NBEA: variants seen among roughly 807,000 people sequenced by gnomAD.
The protein encoded by NBEA is neurobeachin, also known as lysosomal-trafficking regulator 2.
A neutral mutation model predicts 343.4 loss-of-function variants in NBEA; 44 were observed. That is an observed-to-expected ratio of 0.13 (90% confidence interval 0.10 to 0.16). The LOEUF (loss-of-function observed/expected upper bound fraction) is 0.16. Among genes scored for constraint, NBEA ranks in the 10% least tolerant of loss-of-function variants. The pLI is 1.00. For missense variants in NBEA, 2,555 were observed against 3,631.3 expected (o/e 0.70, Z 7.62); for synonymous variants, 1,175 against 1,238.7 (o/e 0.95, Z 1.08).
chr13:35,419,590 G>A lies in NBEA; in HGVS notation c.6180-12679G>A, dbSNP rs528596141. On this transcript the variant is annotated intron_variant, in intron 38 of 58. Transcript: ENST00000379939. ...CTCTAGACTTCTCCCTCAAAAATAC[G>A]TATGTACATATACCATAAAATTTTG... Among the ~76,000 whole-genome samples the A allele has an allele frequency of 5.9e-5, 9 of 152,060 alleles. No individual in the cohort carries two copies. The East Asian group carries it at 7.8e-4, about 13-fold the overall frequency.
At chr13:35,332,964 A>C (rs1393244088) in intron 36 of NBEA, among the ~76,000 whole-genome samples, 2 of 152,094 alleles carry the variant, frequency 1.3e-5, no homozygotes, top group Non-Finnish European at 1.5e-5. Context: ...GCCTAAAGTA[A>C]CATGTCATTG....
intron 41 of NBEA, chr13:35,475,653 G>T: frequency 6.2e-7 from 1 of 1,613,826 alleles, no homozygotes; most frequent in Non-Finnish European, 8.5e-7. Context: ...ACCTATCTCG[G>T]ATTCTCAGTT....
chr13:35,058,566 T>G lies in NBEA; in HGVS notation c.1093-151T>G, dbSNP rs988525045. On this transcript the variant is annotated intron_variant, in intron 7 of 58. Transcript: ENST00000379939. ...TTTTCCCAAAAAACTTGACTGGCAT[T>G]TATTATTAAAATAATAAAGTCTTAA... 3 of 672,330 alleles carry G rather than the reference T, an allele frequency of 4.5e-6. No homozygotes were observed. In the African/African-American group the frequency reaches 5.6e-5, roughly 12 times the overall value. The allele number at this position is 672,330 out of a possible 1,614,324, so 41.6% of individuals were successfully genotyped here. A position where few individuals can be genotyped will look rare whatever the true frequency, so the allele number is the denominator to read the frequency against.
chr13:35,102,481 A>C (rs1419110208), intron 11 of NBEA, among the ~76,000 whole-genome samples: 1 of 151,630 alleles, frequency 6.6e-6, no homozygotes, highest in African/African-American at 2.4e-5. Flanking sequence ...TTATATTGAC[A>C]TCTTTCCTAT....
chr13:35,593,571 G>A, intron 47 of NBEA, 124 bp downstream of exon 47: 4 of 604,710 alleles, frequency 6.6e-6, no homozygotes, highest in East Asian at 3.1e-5. Context: ...AAAATTATAT[G>A]GTACATCTAA....
chr13:35,173,450 G>T lies in NBEA; in HGVS notation c.4424-14G>T. ...CAATTTATATTAACAATATGTTTTT[G>T]AATTTTTAAATAGTTTGTTGTGTTG... On this transcript the variant is annotated splice_polypyrimidine_tract_variant and intron_variant, in intron 26 of 58. Coordinates refer to ENST00000379939, the MANE Select transcript of NBEA (RefSeq NM_001385012.1). 2 of 1,568,182 alleles carry T rather than the reference G, an allele frequency of 1.3e-6. No individual in the cohort carries two copies. Among genetic ancestry groups the T allele is most frequent in the South Asian group, 2.4e-5 (2 of 83,476 alleles).
At chr13:35,407,537 G>C (rs1209784324) in intron 38 of NBEA, among the ~76,000 whole-genome samples, 1 of 148,646 alleles carries the variant, frequency 6.7e-6, no homozygotes, top group East Asian at 2.0e-4. Flanking sequence ...AAAAAAGGCT[G>C]TAAGCCTCTG....
At chr13:35,488,367 A>G (rs2076379256) in intron 41 of NBEA, among the ~76,000 whole-genome samples, 1 of 151,884 alleles carries the variant, frequency 6.6e-6, no homozygotes, top group Admixed American at 6.6e-5. Flanking sequence ...CAAATATTTA[A>G]AATCCTAATA....
intron 18 of NBEA, among the ~76,000 whole-genome samples, chr13:35,145,210 G>C (rs924478552): frequency 6.6e-6 from 1 of 152,176 alleles, no homozygotes; most frequent in African/African-American, 2.4e-5. Flanking sequence ...TCATACAGTA[G>C]CTTAGCAATG....
rs76344509 is a variant in NBEA, at chr13:34,964,215, C to T, written c.294+21101C>T. On this transcript the variant is annotated intron_variant, in intron 1 of 58. Transcript: ENST00000379939. ...TGTTGATAGCTTTTGTGGTAACTATCGTGTTTACTATGGCAAGCATTCAGC... is the reference window on the plus strand; with the variant it reads ...TGTTGATAGCTTTTGTGGTAACTATTGTGTTTACTATGGCAAGCATTCAGC... 7.5e-3 allele frequency among the ~76,000 whole-genome samples: 1,140 copies of T among 152,004 alleles called. 13 individuals are homozygous for T. The highest frequency in any genetic ancestry group is 0.026 in the African/African-American group (1,079 of 41,494).
chr13:35,460,678 C>G (rs2046853752), intron 40 of NBEA, among the ~76,000 whole-genome samples: 1 of 152,138 alleles, frequency 6.6e-6, no homozygotes, highest in Non-Finnish European at 1.5e-5. Flanking sequence ...CTATAAGGTA[C>G]TCTTAATTGT....
chr13:35,432,171 C>T, intron 38 of NBEA, 98 bp from the exon 39 acceptor site: 4 of 1,014,590 alleles, frequency 3.9e-6, no homozygotes, highest in Non-Finnish European at 4.1e-6. Context: ...CTTAATTTTT[C>T]AATGAGACCA....
intron 41 of NBEA, among the ~76,000 whole-genome samples, chr13:35,484,266 GTGTGTGTGTATATATATA>G (rs1370585332): frequency 7.4e-6 from 1 of 135,832 alleles, no homozygotes; most frequent in African/African-American, 2.9e-5. Context: ...GTGTGTGTGT[GTGTGTGTGTATATATATA>G]TATATATATG....
intron 11 of NBEA, 65 bp downstream of exon 11, chr13:35,098,470 T>C: frequency 8.7e-7 from 1 of 1,153,714 alleles, no homozygotes; most frequent in Admixed American, 2.1e-5. Context: ...TAATCACTAA[T>C]TTTTTTTTCT....
chr13:34,942,290 C>CAGGGGGCGGCAACATGGCGG lies in NBEA; in HGVS notation c.-528_-509dup, dbSNP rs1792934132. Reference sequence around the variant, plus strand: ...CAGGCGCAGTGGCTGCTACCGCAGGCAGGGGGCGGCAACATGGCGGAGTGA... The same window carrying CAGGGGGCGGCAACATGGCGG: ...CAGGCGCAGTGGCTGCTACCGCAGGCAGGGGGCGGCAACATGGCGGAGGGGGCGGCAACATGGCGGAGTGA... On this transcript the variant is annotated 5_prime_UTR_variant, in exon 1 of 59. In the 5' UTR this introduces an upstream ATG that the reference lacks. Transcript: ENST00000379939. 6.5e-6 allele frequency: 1 copy of CAGGGGGCGGCAACATGGCGG among 153,720 alleles called. No homozygotes were observed. The highest frequency in any genetic ancestry group is 1.5e-5 in the Non-Finnish European group (1 of 68,946). 9.5% of individuals were successfully genotyped at this position (153,720 alleles called of 1,614,324 possible). A position where few individuals can be genotyped will look rare whatever the true frequency, so the allele number is the denominator to read the frequency against.
intron 41 of NBEA, among the ~76,000 whole-genome samples, chr13:35,517,213 C>G (rs542646867): frequency 2.2e-4 from 34 of 152,294 alleles, no homozygotes; most frequent in Non-Finnish European, 4.6e-4. Context: ...CCTGGCCACT[C>G]TTCCGTCGGC....
At chr13:35,579,327 T>G (rs1236007365) in intron 45 of NBEA, among the ~76,000 whole-genome samples, 1 of 152,172 alleles carries the variant, frequency 6.6e-6, no homozygotes, top group Non-Finnish European at 1.5e-5. Flanking sequence ...TTATGTTCTC[T>G]AAAAGTTCTT....
chr13:35,327,036 A>G (rs956288891), intron 36 of NBEA, among the ~76,000 whole-genome samples: 5 of 152,112 alleles, frequency 3.3e-5, no homozygotes. Context: ...AATGTTCAAC[A>G]TCACTAATCA....
At chr13:35,478,703 G>A (rs2075990883) in intron 41 of NBEA, among the ~76,000 whole-genome samples, 1 of 152,224 alleles carries the variant, frequency 6.6e-6, no homozygotes, top group South Asian at 2.1e-4. Context: ...CCCACGTCCG[G>A]CCCAGGTGTG....
Sources: gnomAD v4.1 joint callset for allele counts (sites outside exome capture counted in the v4.1 genomes callset) on GRCh38, gnomAD v4.1.1 for gene constraint, MANE v1.5 for transcripts, NCBI Gene and HGNC (gene_info 2026-07-23, HGNC 2026-07-21) for gene names.